DOCK2: variants seen among roughly 807,000 people sequenced by gnomAD.
The protein encoded by DOCK2 is dedicator of cytokinesis 2.
In DOCK2, 87 loss-of-function variants were observed where a neutral mutation model predicts 248.9. The ratio of observed to expected loss-of-function variants is 0.35; its 90% confidence interval spans 0.29 to 0.42. The LOEUF (loss-of-function observed/expected upper bound fraction) is 0.42. DOCK2 is among the 10% of genes least tolerant of loss of function. The pLI is 1.00. For synonymous variants in DOCK2, 805 were observed against 821.6 expected, an observed-to-expected ratio of 0.98 and a Z score of 0.35; for missense variants, 1,747 against 2,300.2, an observed-to-expected ratio of 0.76 and a Z score of 4.92.
chr5:169,755,992 G>A (rs1764176808), intron 23 of DOCK2, among the ~76,000 whole-genome samples: 1 of 152,182 alleles, frequency 6.6e-6, no homozygotes, highest in Admixed American at 6.5e-5. Flanking sequence ...GCAAACTTCA[G>A]TAGGCAGAGA....
chr5:169,774,046 C>T (rs1485449859), intron 25 of DOCK2, among the ~76,000 whole-genome samples: 1 of 152,148 alleles, frequency 6.6e-6, no homozygotes, highest in Non-Finnish European at 1.5e-5. Context: ...TCTTTATCAG[C>T]AGCGTGAAAA....
chr5:170,008,214 A>G (rs112806165), intron 30 of DOCK2, among the ~76,000 whole-genome samples: 1 of 56,030 alleles, frequency 1.8e-5, no homozygotes, highest in African/African-American at 2.3e-4. Context: ...CAACAACAAC[A>G]ACAACAACAA....
intron 30 of DOCK2, among the ~76,000 whole-genome samples, chr5:170,000,718 A>G (rs551959349): frequency 2.7e-4 from 41 of 152,302 alleles, no homozygotes; most frequent in Admixed American, 9.8e-4. Context: ...TATTGAGATC[A>G]TTCTCTCTCC....
intron 26 of DOCK2, among the ~76,000 whole-genome samples, chr5:169,813,323 C>G (rs769449468): frequency 6.6e-6 from 1 of 152,074 alleles, no homozygotes; most frequent in Non-Finnish European, 1.5e-5. Flanking sequence ...TTTTATCTAC[C>G]CTCTTGAGGT....
intron 30 of DOCK2, among the ~76,000 whole-genome samples, chr5:170,001,262 T>A (rs1231046728): frequency 6.6e-6 from 1 of 152,202 alleles, no homozygotes. Flanking sequence ...AATTTTTTTT[T>A]ATTGAAATTT....
intron 1 of DOCK2, among the ~76,000 whole-genome samples, chr5:169,643,073 A>C (rs1388824409): frequency 6.6e-6 from 1 of 152,182 alleles, no homozygotes; most frequent in Non-Finnish European, 1.5e-5. Context: ...GAGACACCAC[A>C]AATGTTCCCT....
chr5:169,818,588 C>T (rs1023281768), intron 26 of DOCK2, among the ~76,000 whole-genome samples: 1 of 152,130 alleles, frequency 6.6e-6, no homozygotes, highest in South Asian at 2.1e-4. Flanking sequence ...TTCCTTACTG[C>T]CTTAATCCCT....
intron 27 of DOCK2, among the ~76,000 whole-genome samples, chr5:169,845,627 T>C (rs1003078629): frequency 3.3e-5 from 5 of 152,230 alleles, no homozygotes; most frequent in Middle Eastern, 3.2e-3. Flanking sequence ...AACAAATGTG[T>C]TTTCTAAATG....
chr5:169,885,635 AC>A lies in DOCK2; in HGVS notation c.2799+44784del, dbSNP rs1772928613. ...AGCACATACTTTTACCATGCTGAGG[AC>A]TTTACATGCATTAATTAAAACAACT... On this transcript the variant is annotated intron_variant, in intron 27 of 51. Transcript: ENST00000520908. Among the ~76,000 whole-genome samples the A allele has an allele frequency of 5.9e-5, 9 of 152,300 alleles. No homozygotes were observed. In the South Asian group the frequency reaches 1.7e-3, roughly 28 times the overall value.
chr5:169,717,493 T>C lies in DOCK2; in HGVS notation c.2132+9T>C, dbSNP rs759412363. The C allele has an allele frequency of 6.2e-7, 1 of 1,612,904 alleles. No homozygotes were observed. Among genetic ancestry groups the C allele is most frequent in the Non-Finnish European group, 8.5e-7 (1 of 1,178,984 alleles). ...GCGACCTTGGCTTACAAGTAAGTAA[T>C]TGTGCACATGGGAACTTCTTCTCTA... On this transcript the variant is annotated intron_variant, in intron 21 of 51. Transcript: ENST00000520908.
chr5:169,998,073 T>C (rs1192880275), intron 30 of DOCK2: 4 of 455,974 alleles, frequency 8.8e-6, no homozygotes, highest in African/African-American at 2.0e-5. Context: ...TAAAGAGGCC[T>C]CCCCTCCTGA....
At chr5:170,004,772 A>G (rs1259156523) in intron 30 of DOCK2, among the ~76,000 whole-genome samples, 2 of 148,778 alleles carry the variant, frequency 1.3e-5, no homozygotes, top group Non-Finnish European at 3.0e-5. Context: ...TTGTAGGGAC[A>G]TGGATGAAAT....
intron 30 of DOCK2, among the ~76,000 whole-genome samples, chr5:170,004,808 A>T (rs1382610800): frequency 6.7e-6 from 1 of 149,226 alleles, no homozygotes; most frequent in Non-Finnish European, 1.5e-5. Context: ...TCAGTAAACT[A>T]TCGCAAGAAC....
intron 27 of DOCK2, among the ~76,000 whole-genome samples, chr5:169,966,187 G>C (rs1487041958): frequency 1.3e-5 from 2 of 152,160 alleles, no homozygotes; most frequent in Non-Finnish European, 2.9e-5. Flanking sequence ...GCTTGATTTA[G>C]TGCAGTAAGG....
At chr5:170,008,422 A>T in intron 30 of DOCK2, 75 bp from the exon 31 acceptor site, 1 of 1,473,766 alleles carries the variant, frequency 6.8e-7, no homozygotes, top group South Asian at 1.1e-5. Context: ...TTCATAAATT[A>T]TTCACACTAC....
At position 169,674,442 on chromosome 5, in the gene DOCK2, A is replaced by T. The variant is rs1759217385; in HGVS notation, c.467A>T (p.Asn156Ile). 6.2e-7 allele frequency: 1 copy of T among 1,614,018 alleles called. No individual in the cohort carries two copies. The highest frequency in any genetic ancestry group is 1.3e-5 in the African/African-American group (1 of 74,940). ...QKVTSKIDYG[N>I]KILELDLIVR... ...GTCACGTCCAAAATTGACTATGGCAACAAGTAACCTCTCTTTCCTCTGCAA... is the reference window on the plus strand; with the variant it reads ...GTCACGTCCAAAATTGACTATGGCATCAAGTAACCTCTCTTTCCTCTGCAA... The change falls in exon 6 of 52, where the codon AAC becomes ATC. Residue 156 changes from asparagine (N) to isoleucine (I), a missense_variant. Physicochemically the swap from Asn to Ile is moderately radical, Grantham distance 149. Around this residue, in one of 4 missense-constraint regions of DOCK2, gnomAD observed 375 missense variants for 510.9 expected, o/e 0.73. Transcript: ENST00000520908.
chr5:169,859,466 A>G, intron 27 of DOCK2, among the ~76,000 whole-genome samples: 1 of 152,236 alleles, frequency 6.6e-6, no homozygotes, highest in Non-Finnish European at 1.5e-5. Flanking sequence ...CTTGCAAGCA[A>G]TGCTTGATGG....
intron 25 of DOCK2, among the ~76,000 whole-genome samples, chr5:169,775,658 T>C (rs2113784463): frequency 6.6e-6 from 1 of 152,230 alleles, no homozygotes; most frequent in Non-Finnish European, 1.5e-5. Flanking sequence ...TTATAAGTTA[T>C]TATGTTTATA....
intron 8 of DOCK2, among the ~76,000 whole-genome samples, chr5:169,688,886 T>G (rs1030048910): frequency 2.0e-5 from 3 of 152,178 alleles, no homozygotes; most frequent in African/African-American, 7.2e-5. Flanking sequence ...AATATATTCT[T>G]AATGTCCAAT....
Sources: allele counts gnomAD v4.1 joint callset (sites outside exome capture counted in the v4.1 genomes callset), GRCh38; gene constraint gnomAD v4.1.1; regional missense constraint gnomAD v4.1.1; transcripts MANE v1.5; gene names NCBI Gene and HGNC (gene_info 2026-07-23, HGNC 2026-07-21).